The following TECRL variants were observed in gnomAD, a reference collection of about 807,000 sequenced individuals.
TECRL encodes trans-2,3-enoyl-CoA reductase like.
A neutral mutation model predicts 52.8 loss-of-function variants in TECRL; 63 were observed. The ratio of observed to expected loss-of-function variants is 1.19; its 90% CI spans 0.97 to 1.47. The LOEUF (loss-of-function observed/expected upper bound fraction) is 1.47, where lower values mean the gene tolerates loss of function less well. Ranked by LOEUF, TECRL falls within the 40% of genes most tolerant of loss-of-function variation. TECRL has a pLI of 0.00. For missense variants in TECRL, 482 were observed against 429.6 expected (o/e 1.12, Z -1.08); for synonymous variants, 164 against 141.9 (o/e 1.16, Z -1.10).
At position 64,406,157 on chromosome 4, in the gene TECRL, C is replaced by T. The variant is rs1293262940; in HGVS notation, c.234+2961G>A. ...CTTTTTTATTTGTTAGGCGCGCGCG[C>T]GCGCGCGCGTGTGTGTGTGTGTGTA... On this transcript the variant is annotated intron_variant, in intron 1 of 11. Coordinates refer to ENST00000381210, the MANE Select transcript of TECRL (RefSeq NM_001010874.5). 5.3e-3 allele frequency among the ~76,000 whole-genome samples: 765 copies of T among 144,434 alleles called. 7 individuals are homozygous for T. The highest frequency in any genetic ancestry group is 0.011 in the African/African-American group (442 of 40,134). 94.8% of individuals were successfully genotyped at this position (144,434 alleles called of 152,430 possible). A position where few individuals can be genotyped will look rare whatever the true frequency, so the allele number is the denominator to read the frequency against.
intron 3 of TECRL, among the ~76,000 whole-genome samples, chr4:64,325,098 TGAAGATGG>T (rs1379214976): frequency 1.3e-5 from 2 of 152,140 alleles, no homozygotes; most frequent in Admixed American, 1.3e-4. Context: ...ATTGCTGGCT[TGAAGATGG>T]AGAAGGTCAA....
chr4:64,384,057 G>A (rs1723006492), intron 1 of TECRL, among the ~76,000 whole-genome samples: 1 of 152,056 alleles, frequency 6.6e-6, no homozygotes, highest in South Asian at 2.1e-4. Context: ...TGAAGGCTGT[G>A]GTGAGGCTTT....
At chr4:64,307,166 T>A (rs111294972) in intron 6 of TECRL, among the ~76,000 whole-genome samples, 1,937 of 152,274 alleles carry the variant, frequency 0.013, 19 homozygotes, top group Middle Eastern at 0.037. Flanking sequence ...TCTGGCTCTG[T>A]CCATTACCTA....
chr4:64,315,407 A>C (rs1717428892), intron 4 of TECRL, among the ~76,000 whole-genome samples: 2 of 152,164 alleles, frequency 1.3e-5, no homozygotes, highest in Admixed American at 1.3e-4. Context: ...AGACGAAGTG[A>C]TTGCAAAAGA....
At chr4:64,377,015 G>A (rs1722445448) in intron 1 of TECRL, among the ~76,000 whole-genome samples, 1 of 151,990 alleles carries the variant, frequency 6.6e-6, no homozygotes, top group South Asian at 2.1e-4. Context: ...CCAGAATAAT[G>A]CAATAGACAA....
At chr4:64,282,822 T>C (rs1359878082) in intron 9 of TECRL, among the ~76,000 whole-genome samples, 2 of 152,096 alleles carry the variant, frequency 1.3e-5, no homozygotes, top group South Asian at 4.1e-4. Flanking sequence ...TGCTGTTAAC[T>C]GTAATATTAA....
intron 10 of TECRL, 59 bp downstream of exon 10, chr4:64,281,415 C>G: frequency 1.0e-6 from 1 of 992,476 alleles, no homozygotes; most frequent in East Asian, 2.5e-5. Flanking sequence ...AATACATAAG[C>G]ACATGCATTT....
chr4:64,358,687 G>GT (rs1720958105), intron 2 of TECRL, among the ~76,000 whole-genome samples: 1 of 151,606 alleles, frequency 6.6e-6, no homozygotes, highest in African/African-American at 2.4e-5. Flanking sequence ...TAAACTCATT[G>GT]TATTGAATCT....
intron 9 of TECRL, among the ~76,000 whole-genome samples, chr4:64,284,447 C>T (rs1722983775): frequency 1.4e-5 from 2 of 144,638 alleles, no homozygotes; most frequent in African/African-American, 5.0e-5. Flanking sequence ...GGATGCACCA[C>T]TTTTCAAAAA....
chr4:64,395,377 G>A (rs1723870759), intron 1 of TECRL, among the ~76,000 whole-genome samples: 1 of 152,044 alleles, frequency 6.6e-6, no homozygotes, highest in African/African-American at 2.4e-5. Context: ...ATTTTATGAG[G>A]AAAGAAAGTT....
chr4:64,299,343 A>G (rs889691832), intron 8 of TECRL: 1 of 151,130 alleles, frequency 6.6e-6, no homozygotes, highest in Non-Finnish European at 1.5e-5. Flanking sequence ...TAATTTATCA[A>G]TGACAGGGAT....
At chr4:64,315,507 A>G (rs1717437631) in intron 4 of TECRL, among the ~76,000 whole-genome samples, 1 of 152,142 alleles carries the variant, frequency 6.6e-6, no homozygotes, top group African/African-American at 2.4e-5. Context: ...TTAGACAGAT[A>G]AGGGAAAGTA....
intron 5 of TECRL, among the ~76,000 whole-genome samples, chr4:64,311,743 T>C (rs190736204): frequency 6.6e-6 from 1 of 152,342 alleles, no homozygotes; most frequent in East Asian, 1.9e-4. Flanking sequence ...TATTATTCTA[T>C]TTAATGATGT....
chr4:64,296,045 T>A (rs914041407), intron 8 of TECRL, among the ~76,000 whole-genome samples: 5 of 152,004 alleles, frequency 3.3e-5, no homozygotes, highest in African/African-American at 9.7e-5. Context: ...TTTCAGTCAA[T>A]AAGTATAAAT....
chr4:64,311,032 T>C (rs138158571), intron 5 of TECRL, among the ~76,000 whole-genome samples: 14 of 152,344 alleles, frequency 9.2e-5, no homozygotes, highest in Admixed American at 4.6e-4. Flanking sequence ...TGACATACTT[T>C]AACCAGTAAA....
chr4:64,374,559 C>T (rs774831943), intron 2 of TECRL, among the ~76,000 whole-genome samples: 5 of 152,026 alleles, frequency 3.3e-5, no homozygotes, highest in East Asian at 1.9e-4. Context: ...TATCCCTCCC[C>T]GCTCCCCCCA....
chr4:64,280,079 A>G lies in TECRL; in HGVS notation c.1085T>C (p.Ile362Thr). 3 of 1,589,356 alleles carry G rather than the reference A, an allele frequency of 1.9e-6. No homozygotes were observed. The highest frequency in any genetic ancestry group is 2.6e-6 in the Non-Finnish European group (3 of 1,170,710). ...IHRKSAMIPF[I>T]L ...GGAGATAAGATTCTTTTTTTACAAT[A>G]TGAATGGAATCATTGCTGATTTTCT... The change falls in exon 12 of 12, where the codon ATA becomes ACA. Residue 362 changes from isoleucine (I) to threonine (T), a missense_variant. Ile to Thr is a moderately conservative substitution (Grantham distance 89, BLOSUM62 -1). Transcript: ENST00000381210.
chr4:64,314,468 T>A (rs1717321590), intron 5 of TECRL, among the ~76,000 whole-genome samples, 180 bp downstream of exon 5: 1 of 152,306 alleles, frequency 6.6e-6, no homozygotes, highest in South Asian at 2.1e-4. Context: ...CTGGTGTACA[T>A]ACACTATGTG....
At chr4:64,389,398 T>G (rs1001762043) in intron 1 of TECRL, among the ~76,000 whole-genome samples, 3 of 151,930 alleles carry the variant, frequency 2.0e-5, no homozygotes, top group African/African-American at 7.2e-5. Context: ...TACTTTATCC[T>G]GGTGATGTGA....
Sources: allele counts gnomAD v4.1 joint callset (sites outside exome capture counted in the v4.1 genomes callset), GRCh38; gene constraint gnomAD v4.1.1; transcripts MANE v1.5; gene names NCBI Gene and HGNC (gene_info 2026-07-23, HGNC 2026-07-21).